The following C11orf71 variants were observed in gnomAD, a reference collection of about 807,000 sequenced individuals.
The protein encoded by C11orf71 is chromosome 11 open reading frame 71, also known as uncharacterized protein C11orf71.
For synonymous variants in C11orf71, 72 were observed against 73.4 expected, an observed-to-expected ratio of 0.98 and a Z score of 0.09; for missense variants, 179 against 167.6, an observed-to-expected ratio of 1.07 and a Z score of -0.38.
intron 1 of C11orf71, among the ~76,000 whole-genome samples, chr11:114,393,367 A>C (rs1946087587): frequency 6.6e-6 from 1 of 152,256 alleles, no homozygotes; most frequent in East Asian, 1.9e-4. Flanking sequence ...CACAATTCAA[A>C]GTCCATTTAA....
chr11:114,391,640 A>G, exon 2 of C11orf71: 1 of 1,519,750 alleles, frequency 6.6e-7, no homozygotes, highest in African/African-American at 1.4e-5. Context: ...TTGCAGACTC[A>G]GATAGCTTCA....
downstream of C11orf71, among the ~76,000 whole-genome samples, chr11:114,394,700 G>T (rs770278900): frequency 6.6e-6 from 1 of 151,918 alleles, no homozygotes; most frequent in Non-Finnish European, 1.5e-5. Flanking sequence ...GAGCCACCAC[G>T]CCCAGCCAGG....
chr11:114,398,295 T>C (rs77946495), downstream of C11orf71, among the ~76,000 whole-genome samples: 11,163 of 152,212 alleles, frequency 0.073, 636 homozygotes, highest in African/African-American at 0.16. Context: ...TGAAAAAAAA[T>C]TAGTTATATA....
downstream of C11orf71, among the ~76,000 whole-genome samples, chr11:114,397,086 A>C (rs566172725): frequency 6.6e-6 from 1 of 152,284 alleles, no homozygotes; most frequent in Admixed American, 6.5e-5. Flanking sequence ...GGAAGTAAAT[A>C]TCTTATTAGG....
chr11:114,394,650 C>T (rs556687552), downstream of C11orf71, among the ~76,000 whole-genome samples: 7 of 151,982 alleles, frequency 4.6e-5, no homozygotes, highest in Non-Finnish European at 8.8e-5. Flanking sequence ...CCTTGTGATC[C>T]GGACTCCTCG....
rs1280123740 is a variant in C11orf71, at chr11:114,399,867, A to G, written c.*93T>C. The G allele has an allele frequency of 1.4e-6, 2 of 1,439,716 alleles. No individual in the cohort carries two copies. Among genetic ancestry groups the G allele is most frequent in the South Asian group, 2.9e-5 (2 of 67,918 alleles). 89.2% of individuals were successfully genotyped at this position (1,439,716 alleles called of 1,614,324 possible). A position where few individuals can be genotyped will look rare whatever the true frequency, so the allele number is the denominator to read the frequency against. On this transcript the variant is annotated 3_prime_UTR_variant, in exon 1 of 1. Coordinates refer to ENST00000623205, the MANE Select transcript of C11orf71 (RefSeq NM_001271562.2). ...GTATTAAATGAAAATACATCCATCTAAAAATAAAACAACACGATTGCTGCT... is the reference window on the plus strand; with the variant it reads ...GTATTAAATGAAAATACATCCATCTGAAAATAAAACAACACGATTGCTGCT...
At chr11:114,394,104 C>T (rs1049260688), downstream of C11orf71, among the ~76,000 whole-genome samples, 1 of 151,856 alleles carries the variant, frequency 6.6e-6, no homozygotes, top group Admixed American at 6.6e-5. Context: ...CTCAGCCTCC[C>T]AAGTAGCTGG....
At chr11:114,391,704 A>G in intron 1 of C11orf71, 2 of 933,946 alleles carry the variant, frequency 2.1e-6, no homozygotes, top group Non-Finnish European at 1.6e-6. Context: ...GATGGCAGGG[A>G]GTGGTGGTAA....
downstream of C11orf71, among the ~76,000 whole-genome samples, chr11:114,397,402 A>T (rs1946137558): frequency 6.6e-6 from 1 of 152,314 alleles, no homozygotes; most frequent in African/African-American, 2.4e-5. Context: ...GTGCTTCTAC[A>T]ATACAGTCTT....
At chr11:114,394,259 TTTC>T (rs1425678886), downstream of C11orf71, among the ~76,000 whole-genome samples, 2 of 70,650 alleles carry the variant, frequency 2.8e-5, no homozygotes, top group Non-Finnish European at 4.9e-5. Context: ...TTTCTTTTCT[TTTC>T]TTTTCTTTTC....
At chr11:114,394,183 C>CTTTT (rs767161271), downstream of C11orf71, among the ~76,000 whole-genome samples, 11 of 42,300 alleles carry the variant, frequency 2.6e-4, no homozygotes, top group Admixed American at 1.1e-3. Context: ...GGTTTCGTTT[C>CTTTT]TTTTCTTTTC....
intron 1 of C11orf71, among the ~76,000 whole-genome samples, chr11:114,392,552 A>G (rs1223771718): frequency 8.2e-6 from 1 of 122,412 alleles, no homozygotes; most frequent in Non-Finnish European, 1.7e-5. Flanking sequence ...AAAAAAAAAG[A>G]AGAAGAAGAA....
chr11:114,394,324 G>A (rs9667971), downstream of C11orf71, among the ~76,000 whole-genome samples: 13,364 of 106,206 alleles, frequency 0.13, 1,570 homozygotes, highest in African/African-American at 0.26. Flanking sequence ...AGACGGAGTC[G>A]CACTCTGTTG....
downstream of C11orf71, among the ~76,000 whole-genome samples, chr11:114,397,424 G>A (rs1464831986): frequency 6.6e-6 from 1 of 152,042 alleles, no homozygotes; most frequent in African/African-American, 2.4e-5. Flanking sequence ...GTGACTCGAG[G>A]GTCACATTGT....
At chr11:114,395,964 G>A (rs138151511), downstream of C11orf71, among the ~76,000 whole-genome samples, 13 of 152,244 alleles carry the variant, frequency 8.5e-5, no homozygotes, top group East Asian at 1.9e-4. Context: ...TGGTGTGATC[G>A]TAGCTCACTA....
At chr11:114,394,765 T>A (rs936558187), downstream of C11orf71, among the ~76,000 whole-genome samples, 1 of 152,026 alleles carries the variant, frequency 6.6e-6, no homozygotes, top group Admixed American at 6.6e-5. Context: ...CAGGGTTTTT[T>A]AAAATTATAA....
intron 1 of C11orf71, among the ~76,000 whole-genome samples, chr11:114,392,364 C>T (rs559653641): frequency 6.6e-6 from 1 of 151,728 alleles, no homozygotes; most frequent in African/African-American, 2.4e-5. Flanking sequence ...ATGGTGAAAT[C>T]CCGTCTCTAC....
chr11:114,392,548 A>AAAAAAAAAAAAAGAAG (rs1461395379), intron 1 of C11orf71, among the ~76,000 whole-genome samples: 2 of 124,850 alleles, frequency 1.6e-5, no homozygotes, highest in Non-Finnish European at 3.4e-5. Flanking sequence ...AAAAAAAAAA[A>AAAAAAAAAAAAAGAAG]AAGAAGAAGA....
intron 1 of C11orf71, chr11:114,391,686 G>A (rs1326700120): frequency 8.4e-7 from 1 of 1,189,844 alleles, no homozygotes; most frequent in East Asian, 2.6e-5. Context: ...CAAAATGGAT[G>A]AGTATAAGAT....
Sources: allele counts gnomAD v4.1 joint callset (sites outside exome capture counted in the v4.1 genomes callset), GRCh38; gene constraint gnomAD v4.1.1; transcripts MANE v1.5; gene names NCBI Gene and HGNC (gene_info 2026-07-23, HGNC 2026-07-21).